USPL1: variants seen among roughly 807,000 people sequenced by gnomAD.
USPL1 encodes SUMO-specific isopeptidase USPL1.
Under a neutral mutation model 51.5 loss-of-function variants are expected in USPL1, and 27 were observed. That is an observed-to-expected ratio of 0.52 (90% CI 0.39 to 0.72). USPL1 has a LOEUF of 0.72. USPL1 is among the 30% of genes least tolerant of loss of function. The pLI is 0.00. For missense variants in USPL1, 1,226 were observed against 1,268.0 expected, an observed-to-expected ratio of 0.97 and a Z score of 0.50; for synonymous variants, 451 against 459.6, an observed-to-expected ratio of 0.98 and a Z score of 0.24.
At chr13:30,648,302 T>C (rs776038162) in intron 7 of USPL1, among the ~76,000 whole-genome samples, 10 of 152,226 alleles carry the variant, frequency 6.6e-5, no homozygotes, top group Non-Finnish European at 1.3e-4. Flanking sequence ...AAATTTTCAA[T>C]ACTCAGATGC....
rs75584802 is a variant in USPL1, at chr13:30,640,263, T to C, written c.983-2365T>C. On this transcript the variant is annotated intron_variant, in intron 5 of 8. Coordinates refer to ENST00000255304, the MANE Select transcript of USPL1 (RefSeq NM_005800.5). ...TTTTTCAGTTAATATATAGTTACAATAGAATACGGATTTAAAGGCTGATAA... is the reference window on the plus strand; with the variant it reads ...TTTTTCAGTTAATATATAGTTACAACAGAATACGGATTTAAAGGCTGATAA... Among the ~76,000 whole-genome samples the C allele has an allele frequency of 2.2e-4, 34 of 152,330 alleles. No homozygotes were observed. The East Asian group carries it at 5.0e-3, about 22-fold the overall frequency.
chr13:30,650,505 A>G (rs1232100980), intron 7 of USPL1, among the ~76,000 whole-genome samples: 1 of 148,620 alleles, frequency 6.7e-6, no homozygotes, highest in Non-Finnish European at 1.5e-5. Context: ...TGAACTGGGG[A>G]GGCAAAGGTT....
intron 3 of USPL1, among the ~76,000 whole-genome samples, chr13:30,622,294 A>G (rs73458609): frequency 6.6e-6 from 1 of 152,158 alleles, no homozygotes; most frequent in Non-Finnish European, 1.5e-5. Flanking sequence ...CAAAACCAGT[A>G]TATATACTCT....
intron 6 of USPL1, among the ~76,000 whole-genome samples, chr13:30,644,709 C>T (rs1225627582): frequency 2.0e-5 from 3 of 152,114 alleles, no homozygotes; most frequent in Non-Finnish European, 4.4e-5. Context: ...AACAAAGATA[C>T]ATAATGGCTG....
At chr13:30,623,593 C>G (rs1391755927) in intron 3 of USPL1, among the ~76,000 whole-genome samples, 1 of 150,554 alleles carries the variant, frequency 6.6e-6, no homozygotes, top group Admixed American at 6.6e-5. Flanking sequence ...TAAGAGTGTC[C>G]TGTTATTCAG....
chr13:30,632,859 C>T (rs546826233), intron 4 of USPL1, among the ~76,000 whole-genome samples: 4 of 152,152 alleles, frequency 2.6e-5, no homozygotes, highest in Admixed American at 1.3e-4. Flanking sequence ...CCTAAGATCT[C>T]TTGGCACAAT....
At chr13:30,654,980 C>A (rs1277879297) in intron 8 of USPL1, among the ~76,000 whole-genome samples, 2 of 151,322 alleles carry the variant, frequency 1.3e-5, no homozygotes, top group Non-Finnish European at 2.9e-5. Flanking sequence ...CTCTTGTTGC[C>A]CAGGCTGGAG....
In USPL1 at chr13:30,659,385, A is replaced by G. The variant is rs367964966; in HGVS notation, c.*29A>G. The G allele has an allele frequency of 3.4e-6, 5 of 1,473,878 alleles. No homozygotes were observed. Among genetic ancestry groups the G allele is most frequent in the South Asian group, 2.8e-5 (2 of 71,404 alleles). The allele number at this position is 1,473,878 out of a possible 1,614,324, so 91.3% of individuals were successfully genotyped here. A position where few individuals can be genotyped will look rare whatever the true frequency, so the allele number is the denominator to read the frequency against. ...AATGCTTGTTAACTTTTTTCATATA[A>G]TATTTATTATTATTAGAAGAACTTA... On this transcript the variant is annotated 3_prime_UTR_variant, in exon 9 of 9. Coordinates refer to ENST00000255304, the MANE Select transcript of USPL1 (RefSeq NM_005800.5).
intron 8 of USPL1, 92 bp downstream of exon 8, chr13:30,653,397 G>C: frequency 7.7e-7 from 1 of 1,299,836 alleles, no homozygotes; most frequent in Non-Finnish European, 1.0e-6. Context: ...TATAAAAAAA[G>C]ACAAACTTTG....
chr13:30,657,955 A>G lies in USPL1; in HGVS notation c.1878A>G (p.Leu626=). ...GAATTCTCAAAACCAATACTTTGCT[A>G]TCACAAGAATCACTAATGGCTTCTT... is the stretch of plus-strand genomic sequence containing the variant. ...NTGILKTNTL[L]SQESLMASSV... is the part of the protein sequence containing the mutation. The change falls in exon 9 of 9, where the codon CTA becomes CTG. Residue 626 remains leucine, a synonymous_variant. Coordinates refer to ENST00000255304, the MANE Select transcript of USPL1 (RefSeq NM_005800.5). The G allele has an allele frequency of 1.2e-6, 2 of 1,613,672 alleles. No individual in the cohort carries two copies. The highest frequency in any genetic ancestry group is 1.1e-5 in the South Asian group (1 of 91,088).
chr13:30,656,372 C>T (rs1183056299), intron 8 of USPL1, among the ~76,000 whole-genome samples: 2 of 152,204 alleles, frequency 1.3e-5, no homozygotes, highest in Non-Finnish European at 1.5e-5. Flanking sequence ...CGCATCCTTC[C>T]ACCCCAAAGC....
At position 30,660,094 on chromosome 13, in the gene USPL1, C is replaced by T. The variant is rs541877877; in HGVS notation, c.*738C>T. The T allele has an allele frequency of 2.6e-5, 4 of 152,430 alleles. No homozygotes were observed. The South Asian group carries it at 8.3e-4, about 32-fold the overall frequency. The allele number at this position is 152,430 out of a possible 1,614,324, so 9.4% of individuals were successfully genotyped here. A position where few individuals can be genotyped will look rare whatever the true frequency, so the allele number is the denominator to read the frequency against. ...GTTGTTCTGCCGTCTCTACAGGTCT[C>T]TGAAGCTCTTAGCAGAGAGGGTAGC... On this transcript the variant is annotated 3_prime_UTR_variant, in exon 9 of 9. Coordinates refer to ENST00000255304, the MANE Select transcript of USPL1 (RefSeq NM_005800.5).
At chr13:30,638,007 T>C (rs1228386734) in intron 5 of USPL1, 150 bp downstream of exon 5, 5 of 684,192 alleles carry the variant, frequency 7.3e-6, no homozygotes, top group Non-Finnish European at 1.2e-5. Context: ...AATCTACCAC[T>C]GGGTAAGTTA....
intron 8 of USPL1, among the ~76,000 whole-genome samples, chr13:30,654,751 CT>C (rs1326044269): frequency 6.6e-6 from 1 of 151,924 alleles, no homozygotes; most frequent in East Asian, 1.9e-4. Flanking sequence ...TTTGTTTTCC[CT>C]TTTGAAACTT....
At chr13:30,630,791 A>G in intron 3 of USPL1, 44 bp from the exon 4 acceptor site, 1 of 1,512,772 alleles carries the variant, frequency 6.6e-7, no homozygotes, top group Non-Finnish European at 8.9e-7. Flanking sequence ...ACATGAAGTT[A>G]TTTGAATTTG....
At chr13:30,640,455 C>T (rs1161430259) in intron 5 of USPL1, among the ~76,000 whole-genome samples, 2 of 152,024 alleles carry the variant, frequency 1.3e-5, no homozygotes, top group Non-Finnish European at 2.9e-5. Flanking sequence ...TTTGGGAGGC[C>T]GAGGCGGGTG....
intron 3 of USPL1, among the ~76,000 whole-genome samples, chr13:30,629,030 G>A (rs1950761800): frequency 6.6e-6 from 1 of 152,192 alleles, no homozygotes; most frequent in South Asian, 2.1e-4. Flanking sequence ...GATGGTGACT[G>A]CAGCTAGTTG....
At chr13:30,653,925 T>C (rs1951125367) in intron 8 of USPL1, among the ~76,000 whole-genome samples, 1 of 152,226 alleles carries the variant, frequency 6.6e-6, no homozygotes, top group Non-Finnish European at 1.5e-5. Flanking sequence ...CACTTTGATA[T>C]AACCATTTTC....
chr13:30,621,034 G>T, intron 1 of USPL1, 39 bp from the exon 2 acceptor site: 1 of 872,154 alleles, frequency 1.1e-6, no homozygotes, highest in South Asian at 1.7e-5. Context: ...ATAGTAAATA[G>T]AATTTTTATT....
Sources: allele counts gnomAD v4.1 joint callset (sites outside exome capture counted in the v4.1 genomes callset), GRCh38; gene constraint gnomAD v4.1.1; transcripts MANE v1.5; gene names NCBI Gene and HGNC (gene_info 2026-07-23, HGNC 2026-07-21).